The following SUCLG2 variants were observed in gnomAD, a reference collection of about 807,000 sequenced individuals.
SUCLG2 encodes the protein succinate-CoA ligase GDP-forming subunit beta.
SUCLG2 carries 42 observed loss-of-function variants against 47.9 expected under a neutral mutation model. The observed-to-expected ratio is 0.88, with a 90% CI of 0.69 to 1.14. SUCLG2 has a LOEUF of 1.14. Among genes scored for constraint, SUCLG2 ranks in the 50% most tolerant of loss-of-function variants. SUCLG2 has a pLI of 0.00. For missense variants in SUCLG2, 571 were observed against 525.9 expected (o/e 1.09, Z -0.84); for synonymous variants, 195 against 197.3 (o/e 0.99, Z 0.10).
At chr3:67,562,359 C>T (rs1253183272) in intron 2 of SUCLG2, among the ~76,000 whole-genome samples, 1 of 151,944 alleles carries the variant, frequency 6.6e-6, no homozygotes, top group African/African-American at 2.4e-5. Flanking sequence ...CTCATTGCAA[C>T]CTCCACTTCC....
chr3:67,545,432 T>A (rs980202785), intron 2 of SUCLG2, among the ~76,000 whole-genome samples: 2 of 152,226 alleles, frequency 1.3e-5, no homozygotes, highest in Admixed American at 1.3e-4. Context: ...ATAACTGTTA[T>A]GCTGCTTTCA....
intron 9 of SUCLG2, among the ~76,000 whole-genome samples, chr3:67,415,113 C>T (rs1475410115): frequency 6.6e-6 from 1 of 152,146 alleles, no homozygotes; most frequent in African/African-American, 2.4e-5. Flanking sequence ...GTTTAGGTCT[C>T]CCAAAGTACT....
intron 2 of SUCLG2, among the ~76,000 whole-genome samples, chr3:67,570,005 T>C (rs1037439253): frequency 2.6e-5 from 4 of 152,174 alleles, no homozygotes; most frequent in African/African-American, 9.6e-5. Context: ...AAAGAGGAGA[T>C]TAATTTAAAA....
intron 2 of SUCLG2, among the ~76,000 whole-genome samples, chr3:67,600,514 C>G (rs959172849): frequency 1.3e-5 from 2 of 152,168 alleles, no homozygotes; most frequent in Non-Finnish European, 2.9e-5. Flanking sequence ...GGGATGGGAG[C>G]TCTGTTCTGA....
At chr3:67,529,750 T>C (rs1254649651) in intron 2 of SUCLG2, among the ~76,000 whole-genome samples, 1 of 152,210 alleles carries the variant, frequency 6.6e-6, no homozygotes, top group African/African-American at 2.4e-5. Flanking sequence ...AAGCAAGCAA[T>C]ATTTTAAAAT....
Position 67,623,521 on chromosome 3 carries a change from G to A in SUCLG2, c.85-13925C>T, listed in dbSNP as rs187002477. 1.7e-3 allele frequency among the ~76,000 whole-genome samples: 264 copies of A among 151,946 alleles called. 2 individuals are homozygous for A. Among genetic ancestry groups the A allele is most frequent in the Non-Finnish European group, 3.3e-3 (221 of 67,920 alleles). Reference sequence around the variant, plus strand: ...ATCTTAAGAAACAAAAAATAAGAAAGAAAAGAAAACATTAAAAAGAGTACA... The same window carrying A: ...ATCTTAAGAAACAAAAAATAAGAAAAAAAAGAAAACATTAAAAAGAGTACA... On this transcript the variant is annotated intron_variant, in intron 1 of 10. Transcript: ENST00000307227.
At chr3:67,590,803 TTC>T (rs1442807344) in intron 2 of SUCLG2, among the ~76,000 whole-genome samples, 1 of 152,238 alleles carries the variant, frequency 6.6e-6, no homozygotes, top group Admixed American at 6.5e-5. Flanking sequence ...TCACCGCCTT[TTC>T]TTTTAGTGTT....
intron 1 of SUCLG2, among the ~76,000 whole-genome samples, chr3:67,654,278 C>T (rs1170124661): frequency 2.0e-5 from 3 of 152,188 alleles, no homozygotes; most frequent in Non-Finnish European, 4.4e-5. Context: ...TGCGTTGGGT[C>T]GCTCATACCC....
chr3:67,649,597 C>T (rs1349386135), intron 1 of SUCLG2, among the ~76,000 whole-genome samples: 1 of 152,122 alleles, frequency 6.6e-6, no homozygotes, highest in Admixed American at 6.5e-5. Context: ...TACTCTCCCC[C>T]TGTTCTCTCA....
chr3:67,634,734 GT>G (rs1700979796), intron 1 of SUCLG2, among the ~76,000 whole-genome samples: 1 of 152,180 alleles, frequency 6.6e-6, no homozygotes, highest in African/African-American at 2.4e-5. Flanking sequence ...GTTCATGCCA[GT>G]AAACTTGACA....
intron 4 of SUCLG2, among the ~76,000 whole-genome samples, chr3:67,521,361 C>T (rs1183675663): frequency 3.3e-5 from 5 of 152,136 alleles, no homozygotes; most frequent in Non-Finnish European, 7.4e-5. Context: ...AGGGCCATGA[C>T]TAGACAGGGG....
At chr3:67,593,780 C>T (rs764157004) in intron 2 of SUCLG2, among the ~76,000 whole-genome samples, 5 of 152,124 alleles carry the variant, frequency 3.3e-5, no homozygotes, top group Admixed American at 6.5e-5. Flanking sequence ...TGGTCACCCC[C>T]GACTATGGTG....
At chr3:67,602,784 T>G (rs1348061942) in intron 2 of SUCLG2, among the ~76,000 whole-genome samples, 1 of 152,206 alleles carries the variant, frequency 6.6e-6, no homozygotes, top group African/African-American at 2.4e-5. Flanking sequence ...GAGCACCTAC[T>G]GCCTCTGAGG....
At chr3:67,511,859 G>A (rs892632135) in intron 6 of SUCLG2, among the ~76,000 whole-genome samples, 3 of 145,220 alleles carry the variant, frequency 2.1e-5, no homozygotes, top group African/African-American at 8.5e-5. Context: ...GGGGGGGTGT[G>A]TGTGTGTGTA....
intron 2 of SUCLG2, among the ~76,000 whole-genome samples, chr3:67,570,080 C>T (rs1200024010): frequency 6.6e-6 from 1 of 152,106 alleles, no homozygotes; most frequent in East Asian, 1.9e-4. Flanking sequence ...GTGGGAGAGA[C>T]ATCAGGGACA....
chr3:67,438,815 G>T lies in SUCLG2; in HGVS notation c.1063-37964C>A, dbSNP rs7631636. ...CCATATTCTACCAGAGGTACAAAGA[G>T]GAGCTGGTACCATTCCTTCTGAAAC... On this transcript the variant is annotated intron_variant, in intron 9 of 10. Transcript: ENST00000307227. Among the ~76,000 whole-genome samples the T allele has an allele frequency of 2.9e-4, 44 of 152,068 alleles. 1 individual carries two copies. The highest frequency in any genetic ancestry group is 6.5e-4 in the Admixed American group (10 of 15,292).
rs543731172 is a variant in SUCLG2 at position 67,651,833 on chromosome 3, A to G, written c.84+2670T>C. ...TAGGTCTCCTCTGATCATCCAGTCTAAACTACCCTGCTGTGAAGCAATCCA... is the reference window on the plus strand; with the variant it reads ...TAGGTCTCCTCTGATCATCCAGTCTGAACTACCCTGCTGTGAAGCAATCCA... On this transcript the variant is annotated intron_variant, in intron 1 of 10. Transcript: ENST00000307227. Among the ~76,000 whole-genome samples the G allele has an allele frequency of 1.4e-3, 213 of 152,362 alleles. 1 individual carries two copies. The highest frequency in any genetic ancestry group is 5.0e-3 in the African/African-American group (207 of 41,578).
chr3:67,623,165 G>A (rs1700763941), intron 1 of SUCLG2, among the ~76,000 whole-genome samples: 1 of 152,048 alleles, frequency 6.6e-6, no homozygotes, highest in African/African-American at 2.4e-5. Flanking sequence ...GCAAAAGAGG[G>A]TCTGTGTTCC....
intron 9 of SUCLG2, among the ~76,000 whole-genome samples, chr3:67,492,696 A>G (rs1185078862): frequency 6.6e-6 from 1 of 152,196 alleles, no homozygotes; most frequent in African/African-American, 2.4e-5. Context: ...CAGTTCAGTA[A>G]GTGAGTTTAT....
Sources: allele counts gnomAD v4.1 joint callset (sites outside exome capture counted in the v4.1 genomes callset), GRCh38; gene constraint gnomAD v4.1.1; transcripts MANE v1.5; gene names NCBI Gene and HGNC (gene_info 2026-07-23, HGNC 2026-07-21).